NISCH: variants seen among roughly 807,000 people sequenced by gnomAD.
The protein encoded by NISCH is nischarin.
In NISCH, 55 loss-of-function variants were observed where a neutral mutation model predicts 138.4. The ratio of observed to expected loss-of-function variants is 0.40; its 90% CI spans 0.32 to 0.50. The LOEUF (loss-of-function observed/expected upper bound fraction) is 0.50. NISCH is among the 20% of genes least tolerant of loss of function. The pLI, the probability that NISCH is intolerant of heterozygous loss-of-function variation, is 0.71. For missense variants in NISCH, 1,643 were observed against 2,005.5 expected (o/e 0.82, Z 3.45); for synonymous variants, 860 against 861.5 (o/e 1.00, Z 0.03).
chr3:52,463,714 CTTTTTTTTTTT>C (rs71084184), intron 3 of NISCH, among the ~76,000 whole-genome samples: 7 of 41,406 alleles, frequency 1.7e-4, no homozygotes, highest in South Asian at 1.6e-3. Flanking sequence ...TATTGAACCT[CTTTTTTTTTTT>C]TTTTTTTTTT....
rs199949923 is a variant in NISCH at position 52,478,270 on chromosome 3, C to T, written c.1161C>T (p.Asn387=). ...TGGTCAACCTGGATCTCCGGGACAA[C>T]AGGATCGAACAGGTGAGCCCAAGGA... ...YSLVNLDLRD[N]RIEQMEEVRS... Residue 387 remains asparagine (N), a synonymous_variant, in exon 10 of 21, where the codon AAC becomes AAT. Coordinates refer to ENST00000345716, the MANE Select transcript of NISCH (RefSeq NM_007184.4). The T allele has an allele frequency of 1.1e-5, 17 of 1,614,084 alleles. No individual in the cohort carries two copies. The highest frequency in any genetic ancestry group is 8.3e-5 in the Admixed American group (5 of 60,018).
chr3:52,476,144 GAGAAAAGGCT>G (rs1382442527), intron 7 of NISCH, among the ~76,000 whole-genome samples: 1 of 152,110 alleles, frequency 6.6e-6, no homozygotes, highest in African/African-American at 2.4e-5. Context: ...TCTCAAAAAA[GAGAAAAGGCT>G]AGAAAAGGCA....
At position 52,455,622 on chromosome 3, in the gene NISCH, G is replaced by T. The variant is rs745423740; in HGVS notation, c.-20G>T. 2 of 1,312,442 alleles carry T rather than the reference G, an allele frequency of 1.5e-6. No individual in the cohort carries two copies. The highest frequency in any genetic ancestry group is 3.2e-5 in the Admixed American group (1 of 30,858). 81.3% of individuals were successfully genotyped at this position (1,312,442 alleles called of 1,614,324 possible). On this transcript the variant is annotated 5_prime_UTR_variant, in exon 1 of 21. Transcript: ENST00000345716. Reference sequence around the variant, plus strand: ...TGCTGCTAGTCTGCGCCGGGCGGCGGTGGCGGCGGAGACCCGAACATGGCG... The same window carrying T: ...TGCTGCTAGTCTGCGCCGGGCGGCGTTGGCGGCGGAGACCCGAACATGGCG...
chr3:52,471,956 C>A lies in NISCH; in HGVS notation c.552C>A (p.Thr184=), dbSNP rs749084433. ...KTDLGHILDF[T]CRLKYLKVSG... ...ACCTCGGGCACATCCTGGACTTCAC[C>A]TGTCGCCTTAAGTACCTTAAGGTAA... Residue 184 remains threonine, a synonymous_variant, in exon 5 of 21, where the codon ACC becomes ACA. Transcript: ENST00000345716. 2 of 1,602,386 alleles carry A rather than the reference C, an allele frequency of 1.2e-6. No individual in the cohort carries two copies. Among genetic ancestry groups the A allele is most frequent in the East Asian group, 2.2e-5 (1 of 44,640 alleles).
chr3:52,458,844 T>C lies in NISCH; in HGVS notation c.360T>C (p.Tyr120=), dbSNP rs1205391297. 3.2e-6 allele frequency: 5 copies of C among 1,586,730 alleles called. 1 individual carries two copies. In the South Asian group the frequency reaches 5.7e-5, roughly 18 times the overall value. The change falls in exon 3 of 21, where the codon TAT becomes TAC. Residue 120 remains tyrosine, a splice_region_variant and synonymous_variant. Coordinates refer to ENST00000345716, the MANE Select transcript of NISCH (RefSeq NM_007184.4). The part of the protein sequence containing the change: ...VLAHFLHFHF[Y]EINGITAALA... The stretch of plus-strand genomic sequence containing the variant: ...CCCACTTCTTGCATTTTCACTTCTA[T>C]GTAAGTTCCTCATCGGGTTTTCACC...
rs778980424 is a variant in NISCH at position 52,476,432 on chromosome 3, G to C, written c.766-15G>C. On this transcript the variant is annotated splice_polypyrimidine_tract_variant and intron_variant, in intron 7 of 20. Coordinates refer to ENST00000345716, the MANE Select transcript of NISCH (RefSeq NM_007184.4). ...GGGCCCGAGTGTGGTGCTCCACACA[G>C]ATGTTTTTATGCAGGAAGTCCTTGT... The C allele has an allele frequency of 4.3e-6, 7 of 1,613,918 alleles. No homozygotes were observed. The highest frequency in any genetic ancestry group is 5.9e-6 in the Non-Finnish European group (7 of 1,179,828).
chr3:52,469,840 G>C (rs1706890635), intron 3 of NISCH, among the ~76,000 whole-genome samples: 1 of 151,822 alleles, frequency 6.6e-6, no homozygotes, highest in Non-Finnish European at 1.5e-5. Flanking sequence ...TCTTGAACCT[G>C]GGAGGCAGAG....
chr3:52,480,112 C>A (rs761059275), intron 12 of NISCH, 72 bp from the exon 13 acceptor site: 1 of 1,568,968 alleles, frequency 6.4e-7, no homozygotes, highest in Non-Finnish European at 8.7e-7. Flanking sequence ...GCGCTCCCTC[C>A]TCACACCCCT....
At chr3:52,481,408 A>C in intron 13 of NISCH, 2 of 986,534 alleles carry the variant, frequency 2.0e-6, no homozygotes, top group Non-Finnish European at 2.4e-6. Flanking sequence ...AGGTGCCAGG[A>C]TGATTGCCCA....
chr3:52,480,292 CA>C lies in NISCH; in HGVS notation c.1527del (p.Gly510GlufsTer20). The C allele has an allele frequency of 6.2e-7, 1 of 1,613,850 alleles. No individual in the cohort carries two copies. The highest frequency in any genetic ancestry group is 8.5e-7 in the Non-Finnish European group (1 of 1,180,026). ...ASLPQPILSN[Q>X]GIMFVQEEAL... is the part of the protein sequence containing the mutation. ...CCTGCCCCAGCCCATCCTCTCTAAC[CA>C]AGGTAATCGTGTATGTATCTTGCTT... is the stretch of plus-strand genomic sequence containing the variant. On this transcript the variant is annotated frameshift_variant and splice_region_variant, in exon 13 of 21. Transcript: ENST00000345716. LOFTEE classifies it high-confidence loss of function.
At chr3:52,480,350 C>G in intron 13 of NISCH, 55 bp downstream of exon 13, 1 of 1,605,038 alleles carries the variant, frequency 6.2e-7, no homozygotes, top group South Asian at 1.1e-5. Context: ...GCCTGGGCCC[C>G]CTGGCTGGGC....
Position 52,476,591 on chromosome 3 carries a change from G to A in NISCH, c.910G>A (p.Glu304Lys), listed in dbSNP as rs753713498. The A allele has an allele frequency of 7.4e-6, 12 of 1,614,014 alleles. No homozygotes were observed. Among genetic ancestry groups the A allele is most frequent in the Admixed American group, 6.7e-5 (4 of 59,998 alleles). Residue 304 changes from glutamate to lysine, a missense_variant, in exon 8 of 21, where the codon GAG becomes AAG. Physicochemically the swap from Glu to Lys is moderately conservative, Grantham distance 56. Coordinates refer to ENST00000345716, the MANE Select transcript of NISCH (RefSeq NM_007184.4). ...LSHNSVSEIDESVKLIPKIEF... is the reference protein window; with the variant it reads ...LSHNSVSEIDKSVKLIPKIEF... ...CCACAACAGCGTCTCCGAGATCGAC[G>A]AGTCTGTGGTATGCTCTCAGCAGCA...
chr3:52,476,903 G>A (rs1389954565), intron 8 of NISCH, among the ~76,000 whole-genome samples: 1 of 152,028 alleles, frequency 6.6e-6, no homozygotes, highest in Non-Finnish European at 1.5e-5. Context: ...GTGTGGTGGT[G>A]CACACCTGTA....
chr3:52,478,259 C>A lies in NISCH; in HGVS notation c.1150C>A (p.Leu384Ile). 1 of 1,614,092 alleles carries A rather than the reference C, an allele frequency of 6.2e-7. No individual in the cohort carries two copies. Among genetic ancestry groups the A allele is most frequent in the Non-Finnish European group, 8.5e-7 (1 of 1,179,972 alleles). The part of the protein sequence containing the change: ...HKLYSLVNLD[L>I]RDNRIEQMEE... ...GCTCTACTCACTGGTCAACCTGGAT[C>A]TCCGGGACAACAGGATCGAACAGGT... is the stretch of plus-strand genomic sequence containing the variant. The change falls in exon 10 of 21, where the codon CTC becomes ATC. Residue 384 changes from leucine (L) to isoleucine (I), a missense_variant. Coordinates refer to ENST00000345716, the MANE Select transcript of NISCH (RefSeq NM_007184.4).
At chr3:52,480,574 T>G in intron 13 of NISCH, 1 of 1,446,838 alleles carries the variant, frequency 6.9e-7, no homozygotes, top group Non-Finnish European at 9.1e-7. Context: ...GCCCTGAGGC[T>G]GCCCTCTGAA....
At chr3:52,473,657 G>T (rs1041571148) in intron 6 of NISCH, 77 bp from the exon 7 acceptor site, 5 of 1,006,842 alleles carry the variant, frequency 5.0e-6, no homozygotes, top group African/African-American at 4.7e-5. Flanking sequence ...TTGTATGGGG[G>T]TAGGAAACAC....
At chr3:52,483,471 G>A (rs1428177895) in intron 13 of NISCH, among the ~76,000 whole-genome samples, 2 of 152,374 alleles carry the variant, frequency 1.3e-5, no homozygotes, top group South Asian at 4.1e-4. Context: ...CCTTCAAGTG[G>A]TCTAGAGGTG....
intron 13 of NISCH, chr3:52,481,702 T>A: frequency 7.1e-6 from 7 of 985,296 alleles, no homozygotes; most frequent in Non-Finnish European, 8.4e-6. Flanking sequence ...CCTGGATGGG[T>A]GGGGATGCAC....
At chr3:52,491,562 A>G in intron 20 of NISCH, 49 bp downstream of exon 20, 4 of 1,567,164 alleles carry the variant, frequency 2.6e-6, no homozygotes, top group Non-Finnish European at 3.5e-6. Flanking sequence ...GACAGACGTC[A>G]TGGGCCCCAG....
Sources: allele counts gnomAD v4.1 joint callset (sites outside exome capture counted in the v4.1 genomes callset), GRCh38; gene constraint gnomAD v4.1.1; transcripts MANE v1.5; gene names NCBI Gene and HGNC (gene_info 2026-07-23, HGNC 2026-07-21).